Variants in PGGT1B observed in about 807,000 individuals in gnomAD.
PGGT1B encodes protein geranylgeranyltransferase type I subunit beta, also known as geranylgeranyl transferase type-1 subunit beta.
A neutral mutation model predicts 46.1 loss-of-function variants in PGGT1B; 30 were observed. The ratio of observed to expected loss-of-function variants is 0.65; its 90% CI spans 0.49 to 0.88. The LOEUF is 0.88. Ranked by LOEUF, PGGT1B falls within the 40% of genes least tolerant of loss-of-function variation. The pLI is 0.00. For missense variants in PGGT1B, 376 were observed against 455.9 expected (o/e 0.82, Z 1.60); for synonymous variants, 170 against 160.0 (o/e 1.06, Z -0.47).
At chr5:115,227,587 C>T (rs902954765) in intron 6 of PGGT1B, among the ~76,000 whole-genome samples, 4 of 152,150 alleles carry the variant, frequency 2.6e-5, no homozygotes, top group African/African-American at 9.7e-5. Context: ...CTGTGTCTGG[C>T]TTTCTAGATT....
At chr5:115,232,695 A>T (rs1421268180) in intron 5 of PGGT1B, among the ~76,000 whole-genome samples, 1 of 152,050 alleles carries the variant, frequency 6.6e-6, no homozygotes, top group Non-Finnish European at 1.5e-5. Context: ...GTATCATTTC[A>T]GCTTGTGTGG....
At chr5:115,238,513 A>C (rs1458935796) in intron 3 of PGGT1B, among the ~76,000 whole-genome samples, 2 of 151,752 alleles carry the variant, frequency 1.3e-5, no homozygotes, top group African/African-American at 4.8e-5. Flanking sequence ...ATCACTTATA[A>C]TTTAAGTCTT....
chr5:115,219,107 C>T (rs1341080777), intron 7 of PGGT1B, among the ~76,000 whole-genome samples: 1 of 151,788 alleles, frequency 6.6e-6, no homozygotes, highest in Non-Finnish European at 1.5e-5. Context: ...AGTCAATTAC[C>T]AGATTCATAT....
At chr5:115,233,113 C>A (rs779503939) in intron 5 of PGGT1B, among the ~76,000 whole-genome samples, 1 of 151,888 alleles carries the variant, frequency 6.6e-6, no homozygotes, top group Non-Finnish European at 1.5e-5. Flanking sequence ...GATGAAAATA[C>A]AGCAAATGAA....
At chr5:115,233,050 T>C (rs1349367312) in intron 5 of PGGT1B, among the ~76,000 whole-genome samples, 1 of 151,866 alleles carries the variant, frequency 6.6e-6, no homozygotes, top group Non-Finnish European at 1.5e-5. Flanking sequence ...AATCTTAAAC[T>C]AGGAATTCTT....
intron 5 of PGGT1B, among the ~76,000 whole-genome samples, chr5:115,231,324 C>G (rs1258128834): frequency 6.6e-6 from 1 of 151,932 alleles, no homozygotes; most frequent in African/African-American, 2.4e-5. Flanking sequence ...AACCTTACTC[C>G]TTTACCATTG....
rs758391777 is a variant in PGGT1B, at chr5:115,236,517, C to A, written c.485G>T (p.Cys162Phe). The change falls in exon 5 of 9, where the codon TGT (cysteine) becomes TTT (phenylalanine). Residue 162 changes from cysteine (C) to phenylalanine (F), a missense_variant. Coordinates refer to ENST00000419445, the MANE Select transcript of PGGT1B (RefSeq NM_005023.4). The stretch of plus-strand genomic sequence containing the variant: ...ATTTTCACTGCCTTCAGGTACTGCA[C>A]AAAAACTGAAAATAATAACAACAAT... ...RALQLEDGSF[C>F]AVPEGSENDM... The A allele has an allele frequency of 4.6e-6, 7 of 1,527,986 alleles. No homozygotes were observed. Among genetic ancestry groups the A allele is most frequent in the Non-Finnish European group, 6.1e-6 (7 of 1,146,186 alleles). The allele number at this position is 1,527,986 out of a possible 1,614,324, so 94.7% of individuals were successfully genotyped here.
At chr5:115,244,327 C>T (rs1232153442) in intron 2 of PGGT1B, among the ~76,000 whole-genome samples, 1 of 150,892 alleles carries the variant, frequency 6.6e-6, no homozygotes, top group Non-Finnish European at 1.5e-5. Context: ...TAGCTGGGCG[C>T]GGTGGCGGGC....
chr5:115,248,945 AT>A (rs1747973563), intron 2 of PGGT1B, among the ~76,000 whole-genome samples: 1 of 152,170 alleles, frequency 6.6e-6, no homozygotes, highest in Non-Finnish European at 1.5e-5. Flanking sequence ...ATTAGCAAAA[AT>A]ATCAGTATTT....
Position 115,207,180 on chromosome 5 carries a change from C to CATATATAGATATATATATATATATAT in PGGT1B, c.*5221_*5222insATATATATATATATATATCTATATAT, listed in dbSNP as rs1756089770. The CATATATAGATATATATATATATATAT allele has an allele frequency of 1.1e-5, 1 of 89,950 alleles. No individual in the cohort carries two copies. Among genetic ancestry groups the CATATATAGATATATATATATATATAT allele is most frequent in the Non-Finnish European group, 2.4e-5 (1 of 42,226 alleles). 5.6% of individuals were successfully genotyped at this position (89,950 alleles called of 1,614,324 possible). A position where few individuals can be genotyped will look rare whatever the true frequency, so the allele number is the denominator to read the frequency against. ...ACTAGTTTAGGTTTGCATATACATACATATATATATATATATATATATATA... is the reference window on the plus strand; with the variant it reads ...ACTAGTTTAGGTTTGCATATACATACATATATAGATATATATATATATATATATATATATATATATATATATATATA... On this transcript the variant is annotated 3_prime_UTR_variant, in exon 9 of 9. Transcript: ENST00000419445.
chr5:115,253,971 T>G (rs1015340507), intron 1 of PGGT1B, among the ~76,000 whole-genome samples: 2 of 152,032 alleles, frequency 1.3e-5, no homozygotes, highest in Non-Finnish European at 2.9e-5. Context: ...CCTTTCATGT[T>G]GAGAAGCAGT....
rs1454719143 is a variant in PGGT1B, at chr5:115,230,962, T to G, written c.658+14A>C. On this transcript the variant is annotated intron_variant, in intron 6 of 8. Transcript: ENST00000419445. ...CAAAAGAAACTACATGTTCACTTAT[T>G]TAAGATGTCTTACCATGAGATTCAA... 6.6e-7 allele frequency: 1 copy of G among 1,523,834 alleles called. No individual in the cohort carries two copies. Among genetic ancestry groups the G allele is most frequent in the Admixed American group, 1.8e-5 (1 of 56,298 alleles). The allele number at this position is 1,523,834 out of a possible 1,614,324, so 94.4% of individuals were successfully genotyped here. A position where few individuals can be genotyped will look rare whatever the true frequency, so the allele number is the denominator to read the frequency against.
intron 3 of PGGT1B, among the ~76,000 whole-genome samples, chr5:115,238,605 A>C (rs1000456180): frequency 6.6e-6 from 1 of 152,206 alleles, no homozygotes; most frequent in African/African-American, 2.4e-5. Context: ...AATCTAAATG[A>C]AATACCACAG....
At chr5:115,225,136 G>C (rs1249449665) in intron 6 of PGGT1B, among the ~76,000 whole-genome samples, 2 of 152,108 alleles carry the variant, frequency 1.3e-5, no homozygotes, top group African/African-American at 4.8e-5. Flanking sequence ...TTATGCCTTA[G>C]TTGAAGACAT....
rs376918656 is a variant in PGGT1B at position 115,221,860 on chromosome 5, G to A, written c.807C>T (p.Asp269=). Residue 269 remains aspartate (D), a synonymous_variant, in exon 7 of 9, where the codon GAC becomes GAT. Transcript: ENST00000419445. ...CTCCCACCCAAAAAGAATAACAGGT[G>A]TCTACAGGCTTATTAGGTCTTCCAT... ...GYHGRPNKPV[D]TCYSFWVGAT... 3.1e-6 allele frequency: 5 copies of A among 1,602,940 alleles called. No homozygotes were observed. The highest frequency in any genetic ancestry group is 4.3e-6 in the Non-Finnish European group (5 of 1,175,866).
In PGGT1B at chr5:115,208,885, T is replaced by C. The variant is rs2126981560; in HGVS notation, c.*3517A>G. The stretch of plus-strand genomic sequence containing the variant: ...TTTTTTGGCAAATATTAGGTTTTTA[T>C]CTGTCTTGTGGTCATGTCCTTCCGG... On this transcript the variant is annotated 3_prime_UTR_variant, in exon 9 of 9. Transcript: ENST00000419445. The C allele has an allele frequency of 6.6e-6, 1 of 152,172 alleles. No individual in the cohort carries two copies. The highest frequency in any genetic ancestry group is 2.1e-4 in the South Asian group (1 of 4,824). The allele number at this position is 152,172 out of a possible 1,614,324, so 9.4% of individuals were successfully genotyped here. A position where few individuals can be genotyped will look rare whatever the true frequency, so the allele number is the denominator to read the frequency against.
At chr5:115,216,661 T>C (rs553566515) in intron 8 of PGGT1B, among the ~76,000 whole-genome samples, 42 of 152,318 alleles carry the variant, frequency 2.8e-4, no homozygotes, top group African/African-American at 9.1e-4. Flanking sequence ...ACTATTCCCA[T>C]GCATCTTGAT....
chr5:115,215,538 T>C (rs562678290), intron 8 of PGGT1B, among the ~76,000 whole-genome samples: 1 of 152,194 alleles, frequency 6.6e-6, no homozygotes, highest in South Asian at 2.1e-4. Flanking sequence ...CCTCAAGTGA[T>C]CCGCCCACCT....
chr5:115,255,713 T>G (rs932740487), intron 1 of PGGT1B, among the ~76,000 whole-genome samples: 2 of 152,164 alleles, frequency 1.3e-5, no homozygotes, highest in African/African-American at 4.8e-5. Context: ...TAAAAACAAG[T>G]TGGCATTTTT....
Sources: gnomAD v4.1 joint callset for allele counts (sites outside exome capture counted in the v4.1 genomes callset) on GRCh38, gnomAD v4.1.1 for gene constraint, MANE v1.5 for transcripts, NCBI Gene and HGNC (gene_info 2026-07-23, HGNC 2026-07-21) for gene names.